Variants in CYP4F8 observed in about 807,000 individuals in gnomAD.
CYP4F8 encodes the protein cytochrome P450 4F8.
In CYP4F8, 56 loss-of-function variants were observed where a neutral mutation model predicts 55.0. The ratio of observed to expected loss-of-function variants is 1.02; its 90% confidence interval spans 0.82 to 1.27. The LOEUF (loss-of-function observed/expected upper bound fraction) is 1.27. Ranked by LOEUF, CYP4F8 falls within the 50% of genes most tolerant of loss-of-function variation. The probability of loss-of-function intolerance (pLI) is 0.00; values close to 1 mark genes in which losing one functional copy is unlikely to be tolerated. For missense variants in CYP4F8, 680 were observed against 682.4 expected (o/e 1.00, Z 0.04); for synonymous variants, 288 against 267.3 (o/e 1.08, Z -0.76).
intron 9 of CYP4F8, among the ~76,000 whole-genome samples, chr19:15,625,528 G>A (rs1379948948): frequency 1.3e-5 from 2 of 151,300 alleles, no homozygotes; most frequent in Non-Finnish European, 2.9e-5. Flanking sequence ...CCTTCATTTT[G>A]TTCCATTTAT....
intron 9 of CYP4F8, among the ~76,000 whole-genome samples, chr19:15,625,689 A>C (rs1038339423): frequency 3.9e-5 from 6 of 151,954 alleles, no homozygotes; most frequent in African/African-American, 1.5e-4. Flanking sequence ...CAGGTTAGCC[A>C]GTTTGACAAA....
chr19:15,627,220 T>C (rs1244999366), intron 9 of CYP4F8: 1 of 152,204 alleles, frequency 6.6e-6, no homozygotes, highest in Non-Finnish European at 1.5e-5. Context: ...ATGCCTGTAA[T>C]CCCAGCACTT....
chr19:15,620,838 T>C (rs1972184365), intron 5 of CYP4F8, among the ~76,000 whole-genome samples: 1 of 152,236 alleles, frequency 6.6e-6, no homozygotes, highest in Non-Finnish European at 1.5e-5. Flanking sequence ...AAGATGTGGA[T>C]GCAGGGAGAA....
intron 2 of CYP4F8, 58 bp from the exon 3 acceptor site, chr19:15,617,942 G>A: frequency 6.3e-7 from 1 of 1,576,090 alleles, no homozygotes; most frequent in Non-Finnish European, 8.6e-7. Flanking sequence ...GGATATCTGG[G>A]CATCCCTTAA....
intron 9 of CYP4F8, among the ~76,000 whole-genome samples, chr19:15,626,280 T>C (rs1370068872): frequency 6.6e-6 from 1 of 151,642 alleles, no homozygotes; most frequent in Non-Finnish European, 1.5e-5. Context: ...TCCTTGGCCA[T>C]GTCCTGGAGG....
chr19:15,615,566 C>A (rs1972103756), intron 1 of CYP4F8, 50 bp from the exon 2 acceptor site: 3 of 1,587,464 alleles, frequency 1.9e-6, no homozygotes, highest in Non-Finnish European at 2.6e-6. Flanking sequence ...AGCTCCCCAG[C>A]CCCTTTCCTA....
intron 2 of CYP4F8, among the ~76,000 whole-genome samples, chr19:15,617,053 A>G (rs1972131845): frequency 6.6e-6 from 1 of 152,118 alleles, no homozygotes; most frequent in Non-Finnish European, 1.5e-5. Context: ...TCTCCATGGG[A>G]GGGCCTGGGG....
chr19:15,615,841 G>A lies in CYP4F8; in HGVS notation c.198+27G>A, dbSNP rs752426048. 5 of 1,587,120 alleles carry A rather than the reference G, an allele frequency of 3.2e-6. No homozygotes were observed. In the East Asian group the frequency reaches 6.8e-5, roughly 22 times the overall value. On this transcript the variant is annotated intron_variant, in intron 2 of 12. Transcript: ENST00000612078. ...TGAGTGGCAGGAGGATGGATCTAGT[G>A]TCTCAGGGTGGAAGGGTGGAAATGG...
chr19:15,615,910 A>AACTCACTTATTCCTCTGATC, intron 2 of CYP4F8, 96 bp downstream of exon 2: 2 of 749,450 alleles, frequency 2.7e-6, no homozygotes, highest in Admixed American at 3.5e-5. Context: ...ACGGCAGAGA[A>AACTCACTTATTCCTCTGATC]ACTCACTCAT....
At chr19:15,616,467 G>A (rs886614402) in intron 2 of CYP4F8, among the ~76,000 whole-genome samples, 1 of 152,176 alleles carries the variant, frequency 6.6e-6, no homozygotes, top group African/African-American at 2.4e-5. Context: ...GGGTTACGCA[G>A]CAGGTATTCA....
chr19:15,617,119 T>G (rs1254779065), intron 2 of CYP4F8, among the ~76,000 whole-genome samples: 1 of 152,080 alleles, frequency 6.6e-6, no homozygotes, highest in Non-Finnish European at 1.5e-5. Context: ...TGGGGACATG[T>G]CCTGAGGCCA....
chr19:15,628,738 G>A (rs1972296001), intron 11 of CYP4F8, 23 bp from the exon 12 acceptor site: 1 of 1,613,276 alleles, frequency 6.2e-7, no homozygotes, highest in Admixed American at 1.7e-5. Context: ...CCCATCAGCA[G>A]CCTTAACTTG....
intron 6 of CYP4F8, 45 bp from the exon 7 acceptor site, chr19:15,623,060 C>T: frequency 6.3e-7 from 1 of 1,582,140 alleles, no homozygotes; most frequent in Non-Finnish European, 8.6e-7. Context: ...CCCAGGCTTT[C>T]ATGTGGGTAA....
chr19:15,620,926 A>G (rs773250084), intron 5 of CYP4F8, among the ~76,000 whole-genome samples: 12 of 152,030 alleles, frequency 7.9e-5, no homozygotes, highest in Non-Finnish European at 1.3e-4. Flanking sequence ...TTAGCTTGTT[A>G]CTTTTGCATG....
chr19:15,623,860 C>A, intron 8 of CYP4F8, 95 bp downstream of exon 8: 1 of 1,594,862 alleles, frequency 6.3e-7, no homozygotes, highest in Non-Finnish European at 8.6e-7. Flanking sequence ...TCTGCCCAAC[C>A]TCCCCCTCCC....
In CYP4F8 at chr19:15,615,921, T is replaced by G; in HGVS notation, c.198+107T>G. The G allele has an allele frequency of 5.0e-6, 6 of 1,190,908 alleles. No homozygotes were observed. The South Asian group carries it at 1.1e-4, about 23-fold the overall frequency. 73.8% of individuals were successfully genotyped at this position (1,190,908 alleles called of 1,614,324 possible). On this transcript the variant is annotated intron_variant, in intron 2 of 12. Transcript: ENST00000612078. ...TGGGACGGCAGAGAAACTCACTCATTCCTCTGATCACTCACTCATTCCTCT... is the reference window on the plus strand; with the variant it reads ...TGGGACGGCAGAGAAACTCACTCATGCCTCTGATCACTCACTCATTCCTCT...
chr19:15,627,950 G>A lies in CYP4F8; in HGVS notation c.1116-352G>A, dbSNP rs536569394. 2.0e-5 allele frequency: 5 copies of A among 245,540 alleles called. No homozygotes were observed. The East Asian group carries it at 6.8e-4, about 33-fold the overall frequency. The allele number at this position is 245,540 out of a possible 1,614,324, so 15.2% of individuals were successfully genotyped here. A position where few individuals can be genotyped will look rare whatever the true frequency, so the allele number is the denominator to read the frequency against. Reference sequence around the variant, plus strand: ...ATTTTTGTGTTTTTAGTAGAGATGGGATTTCACCATGTTGGTCAGGCTGGT... The same window carrying A: ...ATTTTTGTGTTTTTAGTAGAGATGGAATTTCACCATGTTGGTCAGGCTGGT... On this transcript the variant is annotated intron_variant, in intron 9 of 12. Coordinates refer to ENST00000612078, the MANE Select transcript of CYP4F8 (RefSeq NM_007253.4).
At chr19:15,616,641 T>C (rs1972126521) in intron 2 of CYP4F8, among the ~76,000 whole-genome samples, 1 of 152,174 alleles carries the variant, frequency 6.6e-6, no homozygotes, top group Admixed American at 6.5e-5. Flanking sequence ...ATGACACAGC[T>C]GGGCCAGAAG....
intron 5 of CYP4F8, among the ~76,000 whole-genome samples, chr19:15,620,531 C>T (rs1972180377): frequency 6.6e-6 from 1 of 152,256 alleles, no homozygotes; most frequent in Non-Finnish European, 1.5e-5. Context: ...GATGGAATTA[C>T]AGGCGCCCAC....
Sources: allele counts gnomAD v4.1 joint callset (sites outside exome capture counted in the v4.1 genomes callset), GRCh38; gene constraint gnomAD v4.1.1; transcripts MANE v1.5; gene names NCBI Gene and HGNC (gene_info 2026-07-23, HGNC 2026-07-21).